Variants in KSR2 observed in about 807,000 individuals in gnomAD.
The protein encoded by KSR2 is kinase suppressor of ras 2.
KSR2 carries 25 observed loss-of-function variants against 107.8 expected under a neutral mutation model. The observed-to-expected ratio is 0.23, with a 90% CI of 0.17 to 0.32. The LOEUF (loss-of-function observed/expected upper bound fraction) is 0.32. Among genes scored for constraint, KSR2 ranks in the 10% least tolerant of loss-of-function variants. KSR2 has a pLI of 1.00. For synonymous variants in KSR2, 480 were observed against 507.0 expected (o/e 0.95, Z 0.71); for missense variants, 887 against 1,268.9 (o/e 0.70, Z 4.57).
At chr12:117,652,122 G>T (rs901508355) in intron 5 of KSR2, among the ~76,000 whole-genome samples, 2 of 152,142 alleles carry the variant, frequency 1.3e-5, no homozygotes, top group Admixed American at 1.3e-4. Flanking sequence ...GGACGCAACG[G>T]CATAAGAATG....
At chr12:117,531,618 A>T (rs745408246) in intron 11 of KSR2, 48 bp downstream of exon 11, 7 of 1,551,028 alleles carry the variant, frequency 4.5e-6, no homozygotes, top group Non-Finnish European at 2.7e-6. Context: ...CCTGCAATGC[A>T]GCGGGGCTTG....
At chr12:117,851,555 T>C (rs189865085) in intron 3 of KSR2, among the ~76,000 whole-genome samples, 58 of 152,068 alleles carry the variant, frequency 3.8e-4, no homozygotes, top group African/African-American at 1.1e-3. Context: ...ACCACTGTAC[T>C]CCAACCTGGG....
chr12:117,628,479 T>C (rs1440954644), intron 5 of KSR2, among the ~76,000 whole-genome samples: 1 of 152,198 alleles, frequency 6.6e-6, no homozygotes, highest in East Asian at 1.9e-4. Context: ...TCTGTTGGAG[T>C]TTGCTAGAGT....
At chr12:117,481,618 A>G (rs1872182453) in intron 16 of KSR2, among the ~76,000 whole-genome samples, 1 of 152,190 alleles carries the variant, frequency 6.6e-6, no homozygotes. Flanking sequence ...TGAGTCTGGT[A>G]TTGTGTTATA....
At chr12:117,538,202 C>A (rs1432533877) in intron 10 of KSR2, among the ~76,000 whole-genome samples, 1 of 152,002 alleles carries the variant, frequency 6.6e-6, no homozygotes, top group African/African-American at 2.4e-5. Flanking sequence ...GGCAATGAAT[C>A]GGTGGCATTT....
intron 3 of KSR2, among the ~76,000 whole-genome samples, chr12:117,808,951 C>T (rs1402664112): frequency 6.6e-6 from 1 of 152,196 alleles, no homozygotes; most frequent in African/African-American, 2.4e-5. Flanking sequence ...CTCCCCTTCT[C>T]CCCAGTCTAC....
intron 14 of KSR2, among the ~76,000 whole-genome samples, chr12:117,489,474 G>A (rs1565869715): frequency 6.6e-6 from 1 of 150,946 alleles, no homozygotes; most frequent in Admixed American, 6.6e-5. Context: ...TTGAGTCCAG[G>A]AGGCAGAGGC....
At chr12:117,848,929 G>A (rs1212563406) in intron 3 of KSR2, among the ~76,000 whole-genome samples, 1 of 152,020 alleles carries the variant, frequency 6.6e-6, no homozygotes, top group Non-Finnish European at 1.5e-5. Context: ...CTCATGTAAT[G>A]CTCCCAGCAA....
intron 5 of KSR2, among the ~76,000 whole-genome samples, chr12:117,644,199 T>A (rs1883515415): frequency 6.6e-6 from 1 of 152,172 alleles, no homozygotes; most frequent in Non-Finnish European, 1.5e-5. Flanking sequence ...GTAATCAGTG[T>A]GTTAGTAAGC....
chr12:117,604,442 G>C (rs1881119571), intron 5 of KSR2, among the ~76,000 whole-genome samples: 1 of 152,190 alleles, frequency 6.6e-6, no homozygotes, highest in African/African-American at 2.4e-5. Context: ...AAATTGCTGT[G>C]TTGTATGGTA....
chr12:117,916,725 C>T lies in KSR2; in HGVS notation c.180+51351G>A, dbSNP rs547877087. 1.7e-3 allele frequency among the ~76,000 whole-genome samples: 264 copies of T among 152,270 alleles called. 1 individual carries two copies. The highest frequency in any genetic ancestry group is 1.8e-3 in the Non-Finnish European group (123 of 68,024). The stretch of plus-strand genomic sequence containing the variant: ...CTCATGCCACAGGATAACTAAGCCA[C>T]GAAAGACACATACCTGAGGCTCACC... On this transcript the variant is annotated intron_variant, in intron 1 of 19. Coordinates refer to ENST00000339824, the MANE Select transcript of KSR2 (RefSeq NM_173598.6).
At position 117,469,788 on chromosome 12, in the gene KSR2, A is replaced by T. The variant is rs371847806; in HGVS notation, c.2720T>A (p.Leu907His). 3.7e-6 allele frequency: 6 copies of T among 1,613,874 alleles called. No individual in the cohort carries two copies. The highest frequency in any genetic ancestry group is 5.1e-6 in the Non-Finnish European group (6 of 1,179,838). Residue 907 changes from leucine (L) to histidine (H), a missense_variant, in exon 19 of 20, where the codon CTT becomes CAT. This residue lies in a region of KSR2 where 308 missense variants were observed against 506.2 expected (regional missense o/e 0.61). Coordinates refer to ENST00000339824, the MANE Select transcript of KSR2 (RefSeq NM_173598.6). ...TTGTTCAAAGGCCCAGCAGAAGAGA[A>T]GAATGTCCTAAATGAAACCAATGTG... is the stretch of plus-strand genomic sequence containing the variant. ...IGMGKEISDI[L>H]LFCWAFEQEE...
At position 117,558,584 on chromosome 12, in the gene KSR2, TAAAGAG is replaced by T. The variant is rs1877869099; in HGVS notation, c.1326-17_1326-12del. 4.3e-6 allele frequency: 7 copies of T among 1,611,302 alleles called. No individual in the cohort carries two copies. In the East Asian group the frequency reaches 1.6e-4, roughly 36 times the overall value. ...TTGTGGCACTTTAACCTGAGAAAGA[TAAAGAG>T]AGAGAAAGATGGATAGGTGAATGGC... On this transcript the variant is annotated splice_polypyrimidine_tract_variant and intron_variant, in intron 7 of 19. Coordinates refer to ENST00000339824, the MANE Select transcript of KSR2 (RefSeq NM_173598.6).
chr12:117,601,068 G>T (rs982972430), intron 5 of KSR2, among the ~76,000 whole-genome samples: 2 of 152,150 alleles, frequency 1.3e-5, no homozygotes, highest in African/African-American at 2.4e-5. Flanking sequence ...TGAGCATCTG[G>T]AGTCTAGTTG....
chr12:117,599,476 T>C (rs55777015), intron 5 of KSR2, among the ~76,000 whole-genome samples: 22,104 of 152,138 alleles, frequency 0.15, 1,785 homozygotes, highest in Non-Finnish European at 0.18. Context: ...GCACTCCTCT[T>C]GGGACTGAAC....
At chr12:117,785,712 G>C (rs1890047940) in intron 3 of KSR2, among the ~76,000 whole-genome samples, 1 of 152,132 alleles carries the variant, frequency 6.6e-6, no homozygotes, top group Non-Finnish European at 1.5e-5. Context: ...AAAGGAAAGA[G>C]TCAGTGAATG....
At chr12:117,894,750 T>G (rs75012717) in intron 1 of KSR2, among the ~76,000 whole-genome samples, 1 of 35,588 alleles carries the variant, frequency 2.8e-5, no homozygotes, top group Non-Finnish European at 4.7e-5. Flanking sequence ...CCCCTCCCCC[T>G]CTCCCTCTCT....
intron 5 of KSR2, among the ~76,000 whole-genome samples, chr12:117,610,391 G>A (rs1881525361): frequency 6.6e-6 from 1 of 152,048 alleles, no homozygotes; most frequent in Admixed American, 6.6e-5. Context: ...AACAATAAAA[G>A]AATGAGTAAT....
At chr12:117,657,304 G>A (rs1453196756) in intron 5 of KSR2, among the ~76,000 whole-genome samples, 1 of 151,946 alleles carries the variant, frequency 6.6e-6, no homozygotes, top group African/African-American at 2.4e-5. Flanking sequence ...AAAACAGCAG[G>A]GCTGAGAGAT....
Sources: gnomAD v4.1 joint callset for allele counts (sites outside exome capture counted in the v4.1 genomes callset) on GRCh38, gnomAD v4.1.1 for gene constraint, gnomAD v4.1.1 regional missense constraint, MANE v1.5 for transcripts, NCBI Gene and HGNC (gene_info 2026-07-23, HGNC 2026-07-21) for gene names.